The following NFAT5 variants were observed in gnomAD, a reference collection of about 807,000 sequenced individuals.
The protein encoded by NFAT5 is nuclear factor of activated T-cells 5.
NFAT5 carries 31 observed loss-of-function variants against 166.5 expected under a neutral mutation model. The ratio of observed to expected loss-of-function variants is 0.19; its 90% CI spans 0.14 to 0.25. NFAT5 has a LOEUF of 0.25. Ranked by LOEUF, NFAT5 falls within the 10% of genes least tolerant of loss-of-function variation. The pLI is 1.00. For missense variants in NFAT5, 1,449 were observed against 1,821.8 expected (o/e 0.80, Z 3.72); for synonymous variants, 612 against 639.7 (o/e 0.96, Z 0.65).
intron 2 of NFAT5, among the ~76,000 whole-genome samples, chr16:69,568,769 A>G (rs1357405342): frequency 6.6e-6 from 1 of 152,156 alleles, no homozygotes; most frequent in East Asian, 1.9e-4. Context: ...AAACATTGAA[A>G]AAAAAATCAT....
chr16:69,566,198 G>C lies in NFAT5; in HGVS notation c.-104G>C. Reference sequence around the variant, plus strand: ...AGGAGGCAGCGGCAGCCGCCCTCGCGTCGCCGCCCCCGGTTCGGTGCCCGC... The same window carrying C: ...AGGAGGCAGCGGCAGCCGCCCTCGCCTCGCCGCCCCCGGTTCGGTGCCCGC... On this transcript the variant is annotated 5_prime_UTR_variant, in exon 1 of 15. Coordinates refer to ENST00000349945, the MANE Select transcript of NFAT5 (RefSeq NM_138713.4). This position sits in a 1 kb window ranked among gnomAD's most constrained non-coding sequence, Gnocchi z 5.7. 2 of 1,017,448 alleles carry C rather than the reference G, an allele frequency of 2.0e-6. No homozygotes were observed. The highest frequency in any genetic ancestry group is 2.5e-5 in the Admixed American group (1 of 39,818). The allele number at this position is 1,017,448 out of a possible 1,614,324, so 63.0% of individuals were successfully genotyped here.
intron 2 of NFAT5, among the ~76,000 whole-genome samples, chr16:69,618,946 ATTTCTCTTTAG>A (rs1241444490): frequency 3.9e-5 from 6 of 152,130 alleles, no homozygotes; most frequent in Non-Finnish European, 8.8e-5. Flanking sequence ...ACAGATATTT[ATTTCTCTTTAG>A]CTGCTTACTT....
chr16:69,601,748 A>G lies in NFAT5; in HGVS notation c.128-24655A>G, dbSNP rs558013004. Among the ~76,000 whole-genome samples the G allele has an allele frequency of 3.9e-5, 6 of 152,336 alleles. No homozygotes were observed. The East Asian group carries it at 1.2e-3, about 29-fold the overall frequency. On this transcript the variant is annotated intron_variant, in intron 2 of 14. Coordinates refer to ENST00000349945, the MANE Select transcript of NFAT5 (RefSeq NM_138713.4). ...GGACTATTATTTCATTTTATTTTTTAACTGTTATAAGTCATTGTAATGAAC... is the reference window on the plus strand; with the variant it reads ...GGACTATTATTTCATTTTATTTTTTGACTGTTATAAGTCATTGTAATGAAC...
chr16:69,672,152 A>ATATC (rs2036649426), intron 9 of NFAT5, among the ~76,000 whole-genome samples: 1 of 152,226 alleles, frequency 6.6e-6, no homozygotes, highest in African/African-American at 2.4e-5. Flanking sequence ...AGATTCCTAT[A>ATATC]TATCTAGACA....
At chr16:69,671,242 T>G (rs1467930843) in intron 9 of NFAT5, among the ~76,000 whole-genome samples, 1 of 152,228 alleles carries the variant, frequency 6.6e-6, no homozygotes, top group Non-Finnish European at 1.5e-5. Context: ...ACCCTCTTTT[T>G]TTGAACGAGT....
At chr16:69,583,152 G>A (rs996541177) in intron 2 of NFAT5, among the ~76,000 whole-genome samples, 1 of 151,468 alleles carries the variant, frequency 6.6e-6, no homozygotes. Flanking sequence ...ATTTAGGAAA[G>A]CTCTTATTTA....
chr16:69,694,517 A>C (rs1282146388), intron 13 of NFAT5, among the ~76,000 whole-genome samples: 1 of 152,154 alleles, frequency 6.6e-6, no homozygotes, highest in East Asian at 1.9e-4. Context: ...GGCCTCCCAA[A>C]GTGCTGGGAT....
Position 69,692,262 on chromosome 16 carries a change from G to T in NFAT5, c.2437G>T (p.Val813Phe). Residue 813 changes from valine (V) to phenylalanine (F), a missense_variant, in exon 13 of 15, where the codon GTT (valine) becomes TTT (phenylalanine). Val to Phe is a conservative substitution (Grantham distance 50). This residue lies in a region of NFAT5 where 891 missense variants were observed against 993.0 expected (regional missense o/e 0.90). Transcript: ENST00000349945. ...TACTGCTAGTGGCAGCAGTGGAAGT[G>T]TTGACTTGGTCCAACAAGTTTTAGA... is the stretch of plus-strand genomic sequence containing the variant. ...GSTASGSSGSVDLVQQVLEAQ... is the reference protein window; with the variant it reads ...GSTASGSSGSFDLVQQVLEAQ... 6.2e-7 allele frequency: 1 copy of T among 1,614,206 alleles called. No individual in the cohort carries two copies. Among genetic ancestry groups the T allele is most frequent in the Non-Finnish European group, 8.5e-7 (1 of 1,180,052 alleles).
intron 3 of NFAT5, among the ~76,000 whole-genome samples, chr16:69,637,883 A>AT (rs2151602708): frequency 6.6e-6 from 1 of 152,300 alleles, no homozygotes; most frequent in Non-Finnish European, 1.5e-5. Context: ...TCTTAATAGT[A>AT]TTTTTTTAAT....
At chr16:69,645,684 T>G (rs1385074612) in intron 3 of NFAT5, among the ~76,000 whole-genome samples, 1 of 152,214 alleles carries the variant, frequency 6.6e-6, no homozygotes, top group African/African-American at 2.4e-5. Context: ...ATCATACACT[T>G]TAAAACAGTG....
intron 2 of NFAT5, among the ~76,000 whole-genome samples, chr16:69,624,765 C>T (rs2034371404): frequency 1.3e-5 from 2 of 152,098 alleles, no homozygotes; most frequent in African/African-American, 2.4e-5. Context: ...TTTTAAAGTA[C>T]TCAGGCAGAT....
chr16:69,590,116 G>T (rs2032366047), intron 2 of NFAT5, among the ~76,000 whole-genome samples: 1 of 152,212 alleles, frequency 6.6e-6, no homozygotes, highest in South Asian at 2.1e-4. Context: ...CAAGGTTACA[G>T]TGAACTATGA....
intron 2 of NFAT5, among the ~76,000 whole-genome samples, chr16:69,608,346 A>C (rs2033525214): frequency 6.6e-6 from 1 of 152,096 alleles, no homozygotes; most frequent in Non-Finnish European, 1.5e-5. Context: ...TCCTCTATAG[A>C]TCTCCAGCGT....
At chr16:69,687,708 A>G (rs867187755) in intron 11 of NFAT5, among the ~76,000 whole-genome samples, 2 of 152,326 alleles carry the variant, frequency 1.3e-5, no homozygotes, top group South Asian at 4.1e-4. Context: ...AAAATTGTAG[A>G]TCTGTTAAGC....
chr16:69,598,961 C>T (rs1454317265), intron 2 of NFAT5, among the ~76,000 whole-genome samples: 2 of 147,296 alleles, frequency 1.4e-5, no homozygotes, highest in African/African-American at 5.1e-5. Flanking sequence ...TTGCAGTGAG[C>T]TGAAATGGCG....
intron 3 of NFAT5, among the ~76,000 whole-genome samples, chr16:69,640,693 A>T (rs1463204004): frequency 6.6e-6 from 1 of 152,192 alleles, no homozygotes; most frequent in African/African-American, 2.4e-5. Context: ...GATCAGAAAT[A>T]GTTTCTGGCC....
chr16:69,651,692 C>T (rs1311277057), intron 4 of NFAT5, among the ~76,000 whole-genome samples: 4 of 136,852 alleles, frequency 2.9e-5, no homozygotes, highest in African/African-American at 1.2e-4. Flanking sequence ...TTTTTTGAGA[C>T]GGAGTTTTGC....
chr16:69,626,175 A>G (rs1025544063), intron 2 of NFAT5, among the ~76,000 whole-genome samples: 130 of 150,666 alleles, frequency 8.6e-4, no homozygotes, highest in African/African-American at 2.9e-3. Flanking sequence ...CTCGTCTTTA[A>G]TTCCTGGCCT....
intron 2 of NFAT5, among the ~76,000 whole-genome samples, chr16:69,608,996 C>T (rs1597393294): frequency 6.6e-6 from 1 of 151,556 alleles, no homozygotes; most frequent in Admixed American, 6.6e-5. Context: ...TGGCAGGCAT[C>T]TGTAGTCGCA....
Sources: gnomAD v4.1 joint callset for allele counts (sites outside exome capture counted in the v4.1 genomes callset) on GRCh38, gnomAD v4.1.1 for gene constraint, gnomAD v4.1.1 regional missense constraint, Gnocchi (gnomAD v3.1) non-coding constraint, MANE v1.5 for transcripts, NCBI Gene and HGNC (gene_info 2026-07-23, HGNC 2026-07-21) for gene names.